Variants in FAM81B observed in about 807,000 individuals in gnomAD.
FAM81B encodes the protein family with sequence similarity 81 member B.
A neutral mutation model predicts 58.7 loss-of-function variants in FAM81B; 60 were observed. The observed-to-expected ratio is 1.02, with a 90% CI of 0.83 to 1.27. The LOEUF (loss-of-function observed/expected upper bound fraction) is 1.27, where lower values mean the gene tolerates loss of function less well. FAM81B is among the 50% of genes most tolerant of loss of function. The pLI is 0.00. For missense variants in FAM81B, 491 were observed against 522.0 expected, an observed-to-expected ratio of 0.94 and a Z score of 0.58; for synonymous variants, 189 against 179.6, an observed-to-expected ratio of 1.05 and a Z score of -0.42.
At chr5:95,401,003 A>C (rs1762098130) in intron 3 of FAM81B, among the ~76,000 whole-genome samples, 1 of 150,662 alleles carries the variant, frequency 6.6e-6, no homozygotes, top group Non-Finnish European at 1.5e-5. Flanking sequence ...TCCCAACATC[A>C]TCAAAACAAT....
In FAM81B at chr5:95,392,890, A is replaced by C. The variant is rs1761865859; in HGVS notation, c.221A>C (p.Glu74Ala). The change falls in exon 2 of 10, where the codon GAA becomes GCA. Residue 74 changes from glutamate to alanine, a missense_variant. By Grantham distance (107) the Glu-to-Ala change is moderately radical. Coordinates refer to ENST00000283357, the MANE Select transcript of FAM81B (RefSeq NM_152548.3). ...GPLPGSDNNQ[E>A]KKVRLSPAKM... ...CTTCCTGGCTCAGACAATAACCAAG[A>C]AAAGAAAGCAAGTACTTTTCAATAT... 1.9e-6 allele frequency: 3 copies of C among 1,604,924 alleles called. No homozygotes were observed. The highest frequency in any genetic ancestry group is 2.7e-5 in the African/African-American group (2 of 74,380).
chr5:95,400,613 G>A (rs1762087148), intron 3 of FAM81B, among the ~76,000 whole-genome samples: 2 of 152,048 alleles, frequency 1.3e-5, no homozygotes, highest in South Asian at 4.2e-4. Context: ...TGTTTCTTTT[G>A]GGGGGACACA....
At chr5:95,393,034 T>C (rs1266614222) in intron 2 of FAM81B, 137 bp downstream of exon 2, 1 of 734,188 alleles carries the variant, frequency 1.4e-6, no homozygotes, top group East Asian at 3.2e-5. Flanking sequence ...CTTGGCAAAA[T>C]GGCTGCTGAA....
chr5:95,432,054 A>G (rs1478427544), intron 6 of FAM81B, among the ~76,000 whole-genome samples: 2 of 152,032 alleles, frequency 1.3e-5, no homozygotes, highest in African/African-American at 4.8e-5. Flanking sequence ...ATGATGGGGA[A>G]AGTAAGTTTC....
intron 3 of FAM81B, among the ~76,000 whole-genome samples, chr5:95,403,596 C>T (rs1762168742): frequency 6.6e-6 from 1 of 152,162 alleles, no homozygotes; most frequent in African/African-American, 2.4e-5. Context: ...AATTTAGTAG[C>T]TTCAGAACAT....
chr5:95,441,765 G>A (rs377032551), intron 7 of FAM81B, among the ~76,000 whole-genome samples: 9 of 152,188 alleles, frequency 5.9e-5, no homozygotes, highest in Non-Finnish European at 8.8e-5. Context: ...CTCTAGATCC[G>A]ACAAAGACAT....
chr5:95,436,058 A>G (rs1253371744), intron 6 of FAM81B, among the ~76,000 whole-genome samples: 3 of 152,112 alleles, frequency 2.0e-5, no homozygotes, highest in African/African-American at 7.2e-5. Context: ...ACCAAAGCCA[A>G]TCATGTAGTT....
At chr5:95,397,247 T>C (rs1242042936) in intron 3 of FAM81B, among the ~76,000 whole-genome samples, 2 of 152,240 alleles carry the variant, frequency 1.3e-5, no homozygotes, top group African/African-American at 2.4e-5. Context: ...TTTGTTTATA[T>C]GACTATGAGT....
At chr5:95,413,877 G>A (rs1041700625) in intron 3 of FAM81B, 70 bp from the exon 4 acceptor site, 3 of 1,531,520 alleles carry the variant, frequency 2.0e-6, no homozygotes, top group South Asian at 1.3e-5. Flanking sequence ...GAGGATTCTA[G>A]TTCTGGTTCC....
intron 6 of FAM81B, among the ~76,000 whole-genome samples, chr5:95,435,508 G>A (rs1295056548): frequency 6.6e-6 from 1 of 152,100 alleles, no homozygotes; most frequent in Non-Finnish European, 1.5e-5. Context: ...ATAAATCTAT[G>A]AAATACATTT....
At chr5:95,398,942 C>A (rs1169948968) in intron 3 of FAM81B, among the ~76,000 whole-genome samples, 3 of 152,200 alleles carry the variant, frequency 2.0e-5, no homozygotes, top group African/African-American at 7.2e-5. Context: ...ATCTGGGATT[C>A]TATTTGAAAG....
At chr5:95,400,921 C>T (rs1762095235) in intron 3 of FAM81B, among the ~76,000 whole-genome samples, 1 of 149,104 alleles carries the variant, frequency 6.7e-6, no homozygotes, top group African/African-American at 2.5e-5. Flanking sequence ...ATTAAACACT[C>T]CCCACCCCCA....
intron 6 of FAM81B, among the ~76,000 whole-genome samples, chr5:95,435,511 A>G (rs1745065167): frequency 6.6e-6 from 1 of 152,226 alleles, no homozygotes; most frequent in African/African-American, 2.4e-5. Flanking sequence ...AATCTATGAA[A>G]TACATTTACA....
intron 4 of FAM81B, among the ~76,000 whole-genome samples, chr5:95,417,711 T>C (rs6895864): frequency 0.49 from 75,097 of 151,862 alleles, 18,971 homozygotes; most frequent in East Asian, 0.72. Flanking sequence ...TTTGTAGTAT[T>C]TTCCTATTTC....
At chr5:95,428,966 T>C (rs1274630360) in intron 6 of FAM81B, among the ~76,000 whole-genome samples, 3 of 152,222 alleles carry the variant, frequency 2.0e-5, no homozygotes, top group Non-Finnish European at 4.4e-5. Flanking sequence ...CATGCACTGC[T>C]TGAGTCCACC....
At position 95,414,406 on chromosome 5, in the gene FAM81B, T is replaced by C. The variant is rs1397354478; in HGVS notation, c.537+216T>C. Among the ~76,000 whole-genome samples the C allele has an allele frequency of 4.6e-5, 7 of 152,188 alleles. No individual in the cohort carries two copies. The South Asian group carries it at 1.2e-3, about 27-fold the overall frequency. ...GTAGAAGGAACTTCTATTCAAAAAA[T>C]ATTTACTGTATATTTATTTTGTGAC... is the stretch of plus-strand genomic sequence containing the variant. On this transcript the variant is annotated intron_variant, in intron 4 of 9. Transcript: ENST00000283357.
intron 5 of FAM81B, among the ~76,000 whole-genome samples, chr5:95,422,917 G>T (rs1338861638): frequency 7.2e-5 from 11 of 152,128 alleles, no homozygotes; most frequent in Non-Finnish European, 1.5e-5. Context: ...TTAGGACAAG[G>T]TCTTATTTTT....
intron 5 of FAM81B, among the ~76,000 whole-genome samples, chr5:95,425,103 T>C (rs1046456057): frequency 3.3e-5 from 5 of 151,674 alleles, no homozygotes; most frequent in African/African-American, 7.3e-5. Context: ...AATTGTCGTA[T>C]GACAGGCAAG....
chr5:95,449,505 TGAG>T (rs1198317808), intron 9 of FAM81B, among the ~76,000 whole-genome samples: 1 of 152,210 alleles, frequency 6.6e-6, no homozygotes, highest in African/African-American at 2.4e-5. Context: ...ATTTTACTAA[TGAG>T]GAGGAGTTCT....
Sources: gnomAD v4.1 joint callset for allele counts (sites outside exome capture counted in the v4.1 genomes callset) on GRCh38, gnomAD v4.1.1 for gene constraint, MANE v1.5 for transcripts, NCBI Gene and HGNC (gene_info 2026-07-23, HGNC 2026-07-21) for gene names.